SMARCA1: variants seen among roughly 807,000 people sequenced by gnomAD.
The protein encoded by SMARCA1 is SWI/SNF-related matrix-associated actin-dependent regulator of chromatin subfamily A member 1.
SMARCA1 carries 17 observed loss-of-function variants against 93.6 expected under a neutral mutation model. That is an observed-to-expected ratio of 0.18 (90% CI 0.12 to 0.27). SMARCA1 has a LOEUF of 0.27. Ranked by LOEUF, SMARCA1 falls within the 10% of genes least tolerant of loss-of-function variation. SMARCA1 has a pLI of 1.00. For missense variants in SMARCA1, 630 were observed against 819.0 expected (o/e 0.77, Z 2.82); for synonymous variants, 271 against 271.4 (o/e 1.00, Z 0.01).
intron 6 of SMARCA1, among the ~76,000 whole-genome samples, chrX:129,510,306 G>T (rs146059898): frequency 1.8e-5 from 2 of 112,699 alleles, no homozygotes; most frequent in African/African-American, 6.4e-5. Flanking sequence ...CAATGTTGCA[G>T]AAAATTGTTT....
intron 11 of SMARCA1, 35 bp from the exon 12 acceptor site, chrX:129,496,906 A>C (rs748949304): frequency 8.6e-7 from 1 of 1,168,033 alleles, no homozygotes; most frequent in Non-Finnish European, 1.2e-6. Flanking sequence ...TGAGTTGTAC[A>C]ACTTGTGTGA....
chrX:129,503,951 C>A (rs1277671299), intron 9 of SMARCA1, among the ~76,000 whole-genome samples: 1 of 90,384 alleles, frequency 1.1e-5, no homozygotes, highest in African/African-American at 4.3e-5. Context: ...GGCTATAGAG[C>A]GAGACTCTCT....
In SMARCA1 at chrX:129,489,098, A is replaced by G; in HGVS notation, c.1949-13T>C. 8.9e-7 allele frequency: 1 copy of G among 1,123,345 alleles called. No individual in the cohort carries two copies. Among genetic ancestry groups the G allele is most frequent in the African/African-American group, 1.8e-5 (1 of 56,220 alleles). The allele number at this position is 1,123,345 out of a possible 1,213,427, so 92.6% of individuals were successfully genotyped here. A position where few individuals can be genotyped will look rare whatever the true frequency, so the allele number is the denominator to read the frequency against. On this transcript the variant is annotated splice_polypyrimidine_tract_variant and intron_variant, in intron 15 of 24. Coordinates refer to ENST00000371121, the MANE Select transcript of SMARCA1 (RefSeq NM_001282874.2). Reference sequence around the variant, plus strand: ...TCAATGAGTCTTCCTAATGATAAAAATTGAAATTGTACATATTCAATCAAT... The same window carrying G: ...TCAATGAGTCTTCCTAATGATAAAAGTTGAAATTGTACATATTCAATCAAT...
intron 19 of SMARCA1, among the ~76,000 whole-genome samples, chrX:129,479,482 T>C (rs998852058): frequency 9.1e-6 from 1 of 110,188 alleles, no homozygotes; most frequent in Non-Finnish European, 1.9e-5. Context: ...CAAAATATAA[T>C]GAGTTAAGAT....
At chrX:129,506,406 G>T (rs974809375) in intron 7 of SMARCA1, among the ~76,000 whole-genome samples, 195 bp from the exon 8 acceptor site, 1 of 111,202 alleles carries the variant, frequency 9.0e-6, no homozygotes, top group Non-Finnish European at 1.9e-5. Context: ...AAGAATGCAA[G>T]CCAGGCGCAG....
At chrX:129,501,355 G>C (rs983098981) in intron 9 of SMARCA1, among the ~76,000 whole-genome samples, 1 of 109,927 alleles carries the variant, frequency 9.1e-6, no homozygotes, top group Non-Finnish European at 1.9e-5. Context: ...GAATGCAGTG[G>C]GGCAATCTCA....
At chrX:129,512,542 C>T (rs2124336610) in intron 5 of SMARCA1, among the ~76,000 whole-genome samples, 1 of 111,766 alleles carries the variant, frequency 8.9e-6, no homozygotes, top group South Asian at 3.7e-4. Context: ...AGATCACCAA[C>T]TCCAGAGGAC....
chrX:129,512,949 G>A, intron 5 of SMARCA1, among the ~76,000 whole-genome samples: 1 of 111,568 alleles, frequency 9.0e-6, no homozygotes, highest in Non-Finnish European at 1.9e-5. Context: ...TTATGGTACC[G>A]CCCAAGGATT....
intron 23 of SMARCA1, among the ~76,000 whole-genome samples, chrX:129,463,717 C>A (rs1307632985): frequency 9.0e-6 from 1 of 111,439 alleles, no homozygotes; most frequent in East Asian, 2.8e-4. Context: ...GCAGGTGGAT[C>A]ACATGAGATC....
At chrX:129,491,893 A>G in intron 14 of SMARCA1, 48 bp downstream of exon 14, 1 of 922,853 alleles carries the variant, frequency 1.1e-6, no homozygotes. Flanking sequence ...AAATAGCAAT[A>G]GTATTCAGAG....
intron 18 of SMARCA1, 33 bp downstream of exon 18, chrX:129,481,042 T>C: frequency 1.1e-6 from 1 of 915,855 alleles, no homozygotes; most frequent in Non-Finnish European, 1.6e-6. Flanking sequence ...AAATCTACTT[T>C]AGGACATAAA....
intron 23 of SMARCA1, among the ~76,000 whole-genome samples, chrX:129,459,193 G>A (rs148047108): frequency 0.023 from 2,546 of 111,809 alleles, 73 homozygotes; most frequent in African/African-American, 0.073. Context: ...GGCTGAGGCG[G>A]GCAGATCATG....
rs190888074 is a variant in SMARCA1, at chrX:129,478,169, C to A, written c.2442+2532G>T. 3.1e-4 allele frequency among the ~76,000 whole-genome samples: 35 copies of A among 111,830 alleles called. 1 individual carries two copies. The East Asian group carries it at 8.5e-3, about 27-fold the overall frequency. On this transcript the variant is annotated intron_variant, in intron 19 of 24. Transcript: ENST00000371121. Reference sequence around the variant, plus strand: ...CATGTTATACTCCCTCATTAGCACCCCTTGTAAGCACAGAACCACACAAAT... The same window carrying A: ...CATGTTATACTCCCTCATTAGCACCACTTGTAAGCACAGAACCACACAAAT...
chrX:129,450,858 T>C (rs1932256456), intron 23 of SMARCA1, among the ~76,000 whole-genome samples: 1 of 111,239 alleles, frequency 9.0e-6, no homozygotes, highest in African/African-American at 3.3e-5. Context: ...TTTTTAAGAA[T>C]GGAAAATTGT....
In SMARCA1 at chrX:129,465,412, C is replaced by A. The variant is rs1419182835; in HGVS notation, c.3030+108G>T. On this transcript the variant is annotated intron_variant, in intron 23 of 24. Transcript: ENST00000371121. ...CACACAGAGAGAGAGAAAGAGAGAG[C>A]GCCAATGTGTCAAAATGTTAATTGG... is the stretch of plus-strand genomic sequence containing the variant. 6.0e-6 allele frequency: 3 copies of A among 503,342 alleles called. No homozygotes were observed. In the Admixed American group the frequency reaches 9.6e-5, roughly 16 times the overall value. The allele number at this position is 503,342 out of a possible 1,213,427, so 41.5% of individuals were successfully genotyped here. A position where few individuals can be genotyped will look rare whatever the true frequency, so the allele number is the denominator to read the frequency against.
chrX:129,475,212 T>C (rs188623774), intron 19 of SMARCA1, among the ~76,000 whole-genome samples: 1 of 109,536 alleles, frequency 9.1e-6, no homozygotes, highest in Non-Finnish European at 1.9e-5. Context: ...GATTTCAAAG[T>C]ACTACATTAT....
chrX:129,475,250 G>T (rs1045738674), intron 19 of SMARCA1, among the ~76,000 whole-genome samples: 2 of 110,342 alleles, frequency 1.8e-5, no homozygotes, highest in Admixed American at 9.7e-5. Context: ...CAGGCACGGT[G>T]GCTCACACTT....
intron 9 of SMARCA1, among the ~76,000 whole-genome samples, chrX:129,503,497 G>T (rs1934643159): frequency 8.9e-6 from 1 of 111,774 alleles, no homozygotes; most frequent in Non-Finnish European, 1.9e-5. Flanking sequence ...TCAAGTGATA[G>T]AAAATGAGTT....
chrX:129,463,542 T>A (rs940576190), intron 23 of SMARCA1, among the ~76,000 whole-genome samples: 2 of 112,450 alleles, frequency 1.8e-5, no homozygotes, highest in Non-Finnish European at 3.8e-5. Context: ...TACCTCTTTA[T>A]CTTTTTTATT....
Sources: gnomAD v4.1 joint callset for allele counts (sites outside exome capture counted in the v4.1 genomes callset) on GRCh38, gnomAD v4.1.1 for gene constraint, MANE v1.5 for transcripts, NCBI Gene and HGNC (gene_info 2026-07-23, HGNC 2026-07-21) for gene names.